DGKB: variants seen among roughly 807,000 people sequenced by gnomAD.
DGKB encodes 90 kDa diacylglycerol kinase.
Under a neutral mutation model 114.3 loss-of-function variants are expected in DGKB, and 67 were observed. That is an observed-to-expected ratio of 0.59 (90% CI 0.48 to 0.72). DGKB has a LOEUF of 0.72. Among genes scored for constraint, DGKB ranks in the 30% least tolerant of loss-of-function variants. The probability of loss-of-function intolerance (pLI) is 0.00; values close to 1 mark genes in which losing one functional copy is unlikely to be tolerated. For synonymous variants in DGKB, 398 were observed against 323.1 expected (o/e 1.23, Z -2.49); for missense variants, 907 against 975.2 (o/e 0.93, Z 0.93).
chr7:14,210,638 A>C (rs537393704), intron 23 of DGKB, among the ~76,000 whole-genome samples: 1 of 152,202 alleles, frequency 6.6e-6, no homozygotes, highest in African/African-American at 2.4e-5. Flanking sequence ...TCAGTCCATT[A>C]GTCTCCGCAA....
chr7:14,718,734 C>G (rs772312851), intron 5 of DGKB, 49 bp from the exon 6 acceptor site: 26 of 1,381,478 alleles, frequency 1.9e-5, no homozygotes, highest in Non-Finnish European at 2.4e-5. Flanking sequence ...ACAGTGATCT[C>G]AAACAGAAAA....
chr7:14,818,018 C>A (rs557009306), intron 2 of DGKB, among the ~76,000 whole-genome samples: 16 of 152,012 alleles, frequency 1.1e-4, no homozygotes, highest in Middle Eastern at 3.4e-3. Context: ...TAAGAGAAAG[C>A]AACCCAGATA....
intron 1 of DGKB, among the ~76,000 whole-genome samples, chr7:14,948,947 A>G (rs920178752): frequency 6.6e-6 from 1 of 151,818 alleles, no homozygotes; most frequent in Non-Finnish European, 1.5e-5. Flanking sequence ...ACAAGAAACA[A>G]CTAAATGATA....
intron 16 of DGKB, among the ~76,000 whole-genome samples, chr7:14,609,398 G>A (rs1805112009): frequency 6.6e-6 from 1 of 151,724 alleles, no homozygotes; most frequent in African/African-American, 2.4e-5. Flanking sequence ...AACTCAACAT[G>A]GATTAAAAAT....
chr7:14,384,539 T>G (rs1396158857), intron 21 of DGKB, among the ~76,000 whole-genome samples: 1 of 152,196 alleles, frequency 6.6e-6, no homozygotes, highest in Non-Finnish European at 1.5e-5. Context: ...GCAAAATACA[T>G]GACACAATGA....
chr7:14,563,623 C>A (rs1796981939), intron 20 of DGKB, among the ~76,000 whole-genome samples: 2 of 136,484 alleles, frequency 1.5e-5, no homozygotes, highest in African/African-American at 5.4e-5. Flanking sequence ...AATTATCTGT[C>A]AGATAAATCA....
intron 23 of DGKB, among the ~76,000 whole-genome samples, chr7:14,279,839 C>A (rs1455177919): frequency 6.7e-6 from 1 of 148,740 alleles, no homozygotes; most frequent in African/African-American, 2.5e-5. Context: ...AAAGGACATC[C>A]ACAACAAAAA....
intron 1 of DGKB, among the ~76,000 whole-genome samples, chr7:14,861,162 T>A (rs1266840928): frequency 6.6e-6 from 1 of 151,980 alleles, no homozygotes; most frequent in East Asian, 1.9e-4. Flanking sequence ...ACCACCATAC[T>A]TGGTATATAA....
chr7:14,909,129 C>T (rs1587360358), intron 1 of DGKB, among the ~76,000 whole-genome samples: 1 of 152,218 alleles, frequency 6.6e-6, no homozygotes, highest in East Asian at 1.9e-4. Flanking sequence ...TTAGCGATGG[C>T]TTTCTATTGT....
intron 1 of DGKB, among the ~76,000 whole-genome samples, chr7:14,933,847 T>C (rs17372113): frequency 0.14 from 21,737 of 152,176 alleles, 1,637 homozygotes; most frequent in Admixed American, 0.2. Flanking sequence ...GAAGTTCCTC[T>C]GTTTGGTTGA....
chr7:14,168,611 A>G (rs1051161771), intron 25 of DGKB, among the ~76,000 whole-genome samples: 1 of 152,284 alleles, frequency 6.6e-6, no homozygotes, highest in Non-Finnish European at 1.5e-5. Flanking sequence ...TCAAACGACT[A>G]TGAATTTCTT....
intron 23 of DGKB, among the ~76,000 whole-genome samples, chr7:14,290,639 C>G (rs532854269): frequency 1.1e-4 from 16 of 152,244 alleles, no homozygotes; most frequent in Non-Finnish European, 2.2e-4. Flanking sequence ...CTTAAAGCTT[C>G]TTCCCAGAGG....
In DGKB at chr7:14,315,558, G is replaced by C. The variant is rs1196407806; in HGVS notation, c.2122+22957C>G. 4.0e-5 allele frequency among the ~76,000 whole-genome samples: 6 copies of C among 150,906 alleles called. No homozygotes were observed. In the East Asian group the frequency reaches 1.2e-3, roughly 30 times the overall value. On this transcript the variant is annotated intron_variant, in intron 23 of 25. Transcript: ENST00000402815. ...AGAAGGCCATTACATAATGGTAAAG[G>C]GATCAATTCAACAAGAAGAGCTAAC...
intron 2 of DGKB, among the ~76,000 whole-genome samples, chr7:14,770,554 T>G (rs1391489739): frequency 6.6e-6 from 1 of 152,146 alleles, no homozygotes; most frequent in Non-Finnish European, 1.5e-5. Flanking sequence ...AGAAGTTTTC[T>G]GTAACCATTC....
Position 14,869,745 on chromosome 7 carries a change from G to A in DGKB, c.-187-28295C>T, listed in dbSNP as rs1256085522. The stretch of plus-strand genomic sequence containing the variant: ...CTTAAGTTACTAATGTTTTTCAACA[G>A]TTATATACACAATATATATTCATAT... On this transcript the variant is annotated intron_variant, in intron 1 of 25. Transcript: ENST00000402815. Among the ~76,000 whole-genome samples, 15 of 151,888 alleles carry A rather than the reference G, an allele frequency of 9.9e-5. 1 individual carries two copies. Among genetic ancestry groups the A allele is most frequent in the Admixed American group, 9.8e-4 (15 of 15,246 alleles).
At chr7:14,589,347 A>T (rs115252956) in intron 17 of DGKB, among the ~76,000 whole-genome samples, 1,660 of 152,012 alleles carry the variant, frequency 0.011, 29 homozygotes, top group African/African-American at 0.038. Flanking sequence ...CAATGGTATT[A>T]TTAGTAATCT....
rs1329070541 is a variant in DGKB at position 14,337,149 on chromosome 7, T to G, written c.2122+1366A>C. Among the ~76,000 whole-genome samples the G allele has an allele frequency of 2.0e-5, 3 of 152,036 alleles. No individual in the cohort carries two copies. The South Asian group carries it at 6.2e-4, about 32-fold the overall frequency. On this transcript the variant is annotated intron_variant, in intron 23 of 25. Coordinates refer to ENST00000402815, the MANE Select transcript of DGKB (RefSeq NM_001350709.2). ...AATTTTTCACTACCCTTTTTAGAAA[T>G]CTACTAATTTTACATTTAAATGAAT... is the stretch of plus-strand genomic sequence containing the variant.
At chr7:14,512,999 A>G (rs2128546629) in intron 20 of DGKB, among the ~76,000 whole-genome samples, 1 of 152,258 alleles carries the variant, frequency 6.6e-6, no homozygotes, top group South Asian at 2.1e-4. Flanking sequence ...ACTGGGGCAG[A>G]TACAAAGAAG....
chr7:14,695,429 G>T (rs2128997750), intron 8 of DGKB, among the ~76,000 whole-genome samples: 1 of 150,468 alleles, frequency 6.6e-6, no homozygotes, highest in Middle Eastern at 3.4e-3. Flanking sequence ...AACTTCTAGG[G>T]ACGCTCCAGT....
Sources: allele counts gnomAD v4.1 joint callset (sites outside exome capture counted in the v4.1 genomes callset), GRCh38; gene constraint gnomAD v4.1.1; transcripts MANE v1.5; gene names NCBI Gene and HGNC (gene_info 2026-07-23, HGNC 2026-07-21).